The following IFRD1 variants were observed in gnomAD, a reference collection of about 807,000 sequenced individuals.
The protein encoded by IFRD1 is interferon related developmental regulator 1.
In IFRD1, 35 loss-of-function variants were observed where a neutral mutation model predicts 52.9. The ratio of observed to expected loss-of-function variants is 0.66; its 90% CI spans 0.51 to 0.88. IFRD1 has a LOEUF of 0.88. Among genes scored for constraint, IFRD1 ranks in the 40% least tolerant of loss-of-function variants. IFRD1 has a pLI of 0.00. For synonymous variants in IFRD1, 184 were observed against 188.4 expected (o/e 0.98, Z 0.19); for missense variants, 517 against 550.8 (o/e 0.94, Z 0.61).
intron 1 of IFRD1, among the ~76,000 whole-genome samples, chr7:112,440,894 G>A (rs1794866927): frequency 6.6e-6 from 1 of 152,178 alleles, no homozygotes; most frequent in Non-Finnish European, 1.5e-5. Flanking sequence ...CCAGTACTTT[G>A]GGACGCCAAG....
chr7:112,434,435 C>A (rs937428991), intron 1 of IFRD1, among the ~76,000 whole-genome samples: 1 of 152,168 alleles, frequency 6.6e-6, no homozygotes, highest in African/African-American at 2.4e-5. Context: ...AGCAATGGCC[C>A]TGGATCCCAC....
At chr7:112,439,004 TAACA>T (rs1344741515) in intron 1 of IFRD1, among the ~76,000 whole-genome samples, 2 of 152,062 alleles carry the variant, frequency 1.3e-5, no homozygotes, top group African/African-American at 4.8e-5. Context: ...ACAAGAACAG[TAACA>T]AACAACCCTA....
At chr7:112,431,621 T>C (rs1415226950) in intron 1 of IFRD1, among the ~76,000 whole-genome samples, 2 of 152,208 alleles carry the variant, frequency 1.3e-5, no homozygotes, top group Admixed American at 6.5e-5. Context: ...TCCAGGGCAG[T>C]AGGAAACTCC....
rs117016181 is a variant in IFRD1 at position 112,454,263 on chromosome 7, G to A, written c.95-1500G>A. Among the ~76,000 whole-genome samples, 104 of 151,580 alleles carry A rather than the reference G, an allele frequency of 6.9e-4. 1 individual carries two copies. The East Asian group carries it at 0.011, about 16-fold the overall frequency. ...GCAGGCAGTGCAATGGTGCTATCTC[G>A]GCTCACTGCAGTCTGTGCCACCTGG... On this transcript the variant is annotated intron_variant, in intron 1 of 11. Coordinates refer to ENST00000403825, the MANE Select transcript of IFRD1 (RefSeq NM_001550.4).
At chr7:112,441,417 G>C (rs1298863273) in intron 1 of IFRD1, among the ~76,000 whole-genome samples, 1 of 151,300 alleles carries the variant, frequency 6.6e-6, no homozygotes, top group African/African-American at 2.4e-5. Flanking sequence ...TCCAGTCTGG[G>C]TGAGAGGCAA....
At position 112,474,329 on chromosome 7, in the gene IFRD1, T is replaced by G. The variant is rs11764616; in HGVS notation, c.1267-1101T>G. 2.7e-3 allele frequency among the ~76,000 whole-genome samples: 414 copies of G among 152,294 alleles called. 3 individuals carry two copies. Among genetic ancestry groups the G allele is most frequent in the Non-Finnish European group, 3.5e-3 (241 of 68,014 alleles). On this transcript the variant is annotated intron_variant, in intron 11 of 11. Coordinates refer to ENST00000403825, the MANE Select transcript of IFRD1 (RefSeq NM_001550.4). ...TTAACTTTCTCAGAAACCACCAAAC[T>G]CTTTTCCATAGCTGCTGCACCAGTT... is the stretch of plus-strand genomic sequence containing the variant.
intron 1 of IFRD1, among the ~76,000 whole-genome samples, chr7:112,438,753 AT>A (rs1257976515): frequency 2.6e-5 from 4 of 152,174 alleles, no homozygotes; most frequent in Non-Finnish European, 5.9e-5. Context: ...AATTAACCCT[AT>A]TATCATGTGG....
chr7:112,450,746 G>T lies in IFRD1; in HGVS notation c.58G>T (p.Gly20Trp). 6.2e-7 allele frequency: 1 copy of T among 1,612,414 alleles called. No individual in the cohort carries two copies. Among genetic ancestry groups the T allele is most frequent in the South Asian group, 1.1e-5 (1 of 91,070 alleles). The change falls in exon 1 of 12, where the codon GGG (glycine) becomes TGG (tryptophan). Residue 20 changes from glycine (G) to tryptophan (W), a missense_variant. Coordinates refer to ENST00000403825, the MANE Select transcript of IFRD1 (RefSeq NM_001550.4). ...PHRGSSAGGG[G>W]SGAAAATAAT... is the part of the protein sequence containing the mutation. Reference sequence around the variant, plus strand: ...CCGCGGTAGCAGTGCTGGCGGCGGCGGGTCAGGAGCAGCCGCAGCGACGGC... The same window carrying T: ...CCGCGGTAGCAGTGCTGGCGGCGGCTGGTCAGGAGCAGCCGCAGCGACGGC...
chr7:112,475,664 A>G lies in IFRD1; in HGVS notation c.*145A>G. 4 of 624,734 alleles carry G rather than the reference A, an allele frequency of 6.4e-6. No individual in the cohort carries two copies. The highest frequency in any genetic ancestry group is 1.9e-5 in the South Asian group (1 of 52,438). The allele number at this position is 624,734 out of a possible 1,614,324, so 38.7% of individuals were successfully genotyped here. A position where few individuals can be genotyped will look rare whatever the true frequency, so the allele number is the denominator to read the frequency against. Reference sequence around the variant, plus strand: ...TATTGCTTATAATTTAATGTACAATACTATTGAAACTGGTGAGTTCTGATT... The same window carrying G: ...TATTGCTTATAATTTAATGTACAATGCTATTGAAACTGGTGAGTTCTGATT... On this transcript the variant is annotated 3_prime_UTR_variant, in exon 12 of 12. Coordinates refer to ENST00000403825, the MANE Select transcript of IFRD1 (RefSeq NM_001550.4).
chr7:112,443,906 A>AAAAAAC (rs575336544), intron 1 of IFRD1, among the ~76,000 whole-genome samples: 8 of 151,820 alleles, frequency 5.3e-5, no homozygotes, highest in Admixed American at 2.6e-4. Context: ...TCCCCCACCA[A>AAAAAAC]AAAAACAAAA....
intron 5 of IFRD1, among the ~76,000 whole-genome samples, chr7:112,459,506 CAT>C (rs138329229): frequency 0.16 from 24,872 of 152,026 alleles, 2,175 homozygotes; most frequent in South Asian, 0.3. Flanking sequence ...GGAAAAATAA[CAT>C]GTGATCCTAA....
upstream of IFRD1, among the ~76,000 whole-genome samples, chr7:112,449,184 G>C (rs372311629): frequency 1.3e-5 from 2 of 152,276 alleles, no homozygotes; most frequent in African/African-American, 4.8e-5. Context: ...AAATGCCCAG[G>C]CATGAACTGA....
intron 1 of IFRD1, among the ~76,000 whole-genome samples, chr7:112,454,906 G>A (rs533454151): frequency 4.4e-4 from 53 of 120,610 alleles, no homozygotes; most frequent in South Asian, 8.7e-4. Flanking sequence ...TTGGTCTGTC[G>A]CCCAGGCTGG....
intron 1 of IFRD1, among the ~76,000 whole-genome samples, chr7:112,440,654 C>T (rs1330817645): frequency 6.6e-6 from 1 of 152,196 alleles, no homozygotes. Flanking sequence ...CTACTTCCTA[C>T]TGCCTTTCAT....
chr7:112,468,278 T>A (rs1055577577), intron 9 of IFRD1, among the ~76,000 whole-genome samples, 163 bp downstream of exon 9: 22 of 152,020 alleles, frequency 1.4e-4, no homozygotes, highest in African/African-American at 5.3e-4. Flanking sequence ...GACTTTTTTT[T>A]TTTCAAAACA....
intron 1 of IFRD1, among the ~76,000 whole-genome samples, chr7:112,453,695 G>A (rs1394689566): frequency 6.6e-6 from 1 of 152,156 alleles, no homozygotes; most frequent in African/African-American, 2.4e-5. Context: ...ATAGGTCTTT[G>A]TTTATTCCTG....
At chr7:112,457,214 T>C in intron 4 of IFRD1, 176 bp downstream of exon 4, 1 of 686,000 alleles carries the variant, frequency 1.5e-6, no homozygotes, top group Non-Finnish European at 2.5e-6. Context: ...ACTTTGTTTT[T>C]GTATTACGTA....
In IFRD1 at chr7:112,476,116, C is replaced by A. The variant is rs1018741755; in HGVS notation, c.*597C>A. ...GGTTGCTAACCTTAACATCTGAGAG[C>A]AGTAACACTGATTTTATCTGCTGTA... is the stretch of plus-strand genomic sequence containing the variant. On this transcript the variant is annotated 3_prime_UTR_variant, in exon 12 of 12. Transcript: ENST00000403825. The A allele has an allele frequency of 6.6e-6, 1 of 152,410 alleles. No homozygotes were observed. The allele number at this position is 152,410 out of a possible 1,614,324, so 9.4% of individuals were successfully genotyped here.
chr7:112,459,010 A>G lies in IFRD1; in HGVS notation c.559A>G (p.Arg187Gly). 6.2e-7 allele frequency: 1 copy of G among 1,613,010 alleles called. No homozygotes were observed. The highest frequency in any genetic ancestry group is 8.5e-7 in the Non-Finnish European group (1 of 1,179,080). ...TGATGGGTCAGCTAGTATGCAGGCT[A>G]GGCAAACTGTAAGTATAAGATATTT... ...ICDGSASMQA[R>G]QTCATCFGVC... The change falls in exon 5 of 12, where the codon AGG becomes GGG. Residue 187 changes from arginine to glycine, a missense_variant. Arg to Gly is a moderately radical substitution (Grantham distance 125). Transcript: ENST00000403825.
Sources: gnomAD v4.1 joint callset for allele counts (sites outside exome capture counted in the v4.1 genomes callset) on GRCh38, gnomAD v4.1.1 for gene constraint, MANE v1.5 for transcripts, NCBI Gene and HGNC (gene_info 2026-07-23, HGNC 2026-07-21) for gene names.